CAMKMT: variants seen among roughly 807,000 people sequenced by gnomAD.
CAMKMT encodes CaM KMT.
CAMKMT carries 53 observed loss-of-function variants against 48.0 expected under a neutral mutation model. The ratio of observed to expected loss-of-function variants is 1.10; its 90% CI spans 0.89 to 1.39. The LOEUF (loss-of-function observed/expected upper bound fraction) is 1.39. Among genes scored for constraint, CAMKMT ranks in the 40% most tolerant of loss-of-function variants. The probability of loss-of-function intolerance (pLI) is 0.00; values close to 1 mark genes in which losing one functional copy is unlikely to be tolerated. For synonymous variants in CAMKMT, 165 were observed against 152.3 expected (o/e 1.08, Z -0.61); for missense variants, 428 against 402.7 (o/e 1.06, Z -0.54).
At chr2:44,517,240 A>G (rs1331448168) in intron 3 of CAMKMT, among the ~76,000 whole-genome samples, 1 of 152,176 alleles carries the variant, frequency 6.6e-6, no homozygotes, top group African/African-American at 2.4e-5. Context: ...TTTTTTTTGA[A>G]TGAAGACAAC....
chr2:44,660,556 G>C (rs1291615366), intron 3 of CAMKMT, among the ~76,000 whole-genome samples: 1 of 152,128 alleles, frequency 6.6e-6, no homozygotes, highest in African/African-American at 2.4e-5. Context: ...AAACATTAAG[G>C]GTCAAACTAT....
At chr2:44,457,643 C>T (rs1558630768) in intron 3 of CAMKMT, among the ~76,000 whole-genome samples, 2 of 152,066 alleles carry the variant, frequency 1.3e-5, no homozygotes, top group South Asian at 2.1e-4. Context: ...GTGATCCACC[C>T]GCCTTGGCCT....
intron 7 of CAMKMT, among the ~76,000 whole-genome samples, chr2:44,740,402 T>C (rs1432709451): frequency 6.6e-6 from 1 of 152,056 alleles, no homozygotes; most frequent in African/African-American, 2.4e-5. Flanking sequence ...AGTGCTAGGA[T>C]TACAGGCATG....
intron 3 of CAMKMT, among the ~76,000 whole-genome samples, chr2:44,622,577 A>T (rs1465314157): frequency 1.3e-5 from 2 of 152,320 alleles, no homozygotes; most frequent in East Asian, 3.9e-4. Context: ...CCCACTTATA[A>T]GTGAGAACAT....
At chr2:44,448,764 T>G (rs1667137347) in intron 3 of CAMKMT, among the ~76,000 whole-genome samples, 1 of 152,176 alleles carries the variant, frequency 6.6e-6, no homozygotes, top group Admixed American at 6.6e-5. Context: ...TGTAAATCAG[T>G]GAGTGGATAA....
chr2:44,387,953 G>A (rs992773135), intron 2 of CAMKMT, among the ~76,000 whole-genome samples: 6 of 152,198 alleles, frequency 3.9e-5, no homozygotes, highest in African/African-American at 1.4e-4. Flanking sequence ...TTGCCTCACA[G>A]CTCTTAAGAG....
chr2:44,439,736 G>T (rs1666520895), intron 3 of CAMKMT, among the ~76,000 whole-genome samples: 1 of 151,824 alleles, frequency 6.6e-6, no homozygotes, highest in African/African-American at 2.4e-5. Context: ...TACTCGGGAG[G>T]CTGAGGTAGG....
chr2:44,633,156 C>T (rs1361758349), intron 3 of CAMKMT, among the ~76,000 whole-genome samples: 2 of 152,046 alleles, frequency 1.3e-5, no homozygotes, highest in African/African-American at 4.8e-5. Flanking sequence ...AAAGTACACC[C>T]ATTTTTGTTA....
At chr2:44,571,631 G>A (rs1159251670) in intron 3 of CAMKMT, among the ~76,000 whole-genome samples, 4 of 152,086 alleles carry the variant, frequency 2.6e-5, no homozygotes, top group South Asian at 2.1e-4. Flanking sequence ...CCAATATTAT[G>A]TACATAGCAT....
chr2:44,759,437 A>T (rs1231468176), intron 9 of CAMKMT, among the ~76,000 whole-genome samples: 1 of 152,022 alleles, frequency 6.6e-6, no homozygotes, highest in Non-Finnish European at 1.5e-5. Context: ...TTTTGCTCAG[A>T]TACTTTCTCA....
intron 3 of CAMKMT, among the ~76,000 whole-genome samples, chr2:44,631,220 G>A (rs1173115941): frequency 1.3e-5 from 2 of 152,074 alleles, no homozygotes; most frequent in African/African-American, 4.8e-5. Context: ...ACACAGGAAG[G>A]GGAACATCAC....
At chr2:44,605,915 A>G (rs1246844186) in intron 3 of CAMKMT, among the ~76,000 whole-genome samples, 2 of 152,154 alleles carry the variant, frequency 1.3e-5, no homozygotes, top group African/African-American at 2.4e-5. Context: ...TCCAAATTCT[A>G]TTGATAGAAT....
intron 3 of CAMKMT, among the ~76,000 whole-genome samples, chr2:44,483,412 A>G (rs1669070128): frequency 2.0e-5 from 3 of 152,290 alleles, no homozygotes; most frequent in Middle Eastern, 3.4e-3. Context: ...AATGGACTTT[A>G]TTAGCCTTAA....
chr2:44,472,981 C>T (rs544034520), intron 3 of CAMKMT, among the ~76,000 whole-genome samples: 11 of 152,128 alleles, frequency 7.2e-5, no homozygotes, highest in African/African-American at 2.4e-4. Flanking sequence ...AGGAATAAAC[C>T]GGGAGAGAGG....
At chr2:44,511,735 C>G (rs1670568497) in intron 3 of CAMKMT, among the ~76,000 whole-genome samples, 3 of 152,214 alleles carry the variant, frequency 2.0e-5, no homozygotes, top group Admixed American at 1.3e-4. Context: ...GGGGCTCTTG[C>G]TCCCTCCAGC....
chr2:44,563,428 A>G (rs898745943), intron 3 of CAMKMT, among the ~76,000 whole-genome samples: 5 of 151,798 alleles, frequency 3.3e-5, no homozygotes, highest in African/African-American at 9.7e-5. Flanking sequence ...GTAAAACAGT[A>G]AAGATGATAA....
At chr2:44,662,689 C>G (rs926300155) in intron 3 of CAMKMT, among the ~76,000 whole-genome samples, 1 of 152,068 alleles carries the variant, frequency 6.6e-6, no homozygotes, top group African/African-American at 2.4e-5. Context: ...ATCCTCTCAC[C>G]TCAGCATCCT....
chr2:44,540,128 T>C (rs924675103), intron 3 of CAMKMT, among the ~76,000 whole-genome samples: 5 of 145,912 alleles, frequency 3.4e-5, no homozygotes, highest in African/African-American at 1.3e-4. Flanking sequence ...AGGAGAGGCT[T>C]CCCATTTTCC....
At chr2:44,520,067 A>T (rs1439364374) in intron 3 of CAMKMT, among the ~76,000 whole-genome samples, 6 of 150,888 alleles carry the variant, frequency 4.0e-5, no homozygotes, top group Non-Finnish European at 3.0e-5. Flanking sequence ...AAAAAAAAAA[A>T]AATTAGCCAG....
Sources: gnomAD v4.1 joint callset for allele counts (sites outside exome capture counted in the v4.1 genomes callset) on GRCh38, gnomAD v4.1.1 for gene constraint, MANE v1.5 for transcripts, NCBI Gene and HGNC (gene_info 2026-07-23, HGNC 2026-07-21) for gene names.